SPECC1: variants seen among roughly 807,000 people sequenced by gnomAD.
SPECC1 encodes the protein sperm antigen with calponin homology and coiled-coil domains 1, also known as cytospin-B.
In SPECC1, 62 loss-of-function variants were observed where a neutral mutation model predicts 104.1. The ratio of observed to expected loss-of-function variants is 0.60; its 90% CI spans 0.49 to 0.74. The LOEUF (loss-of-function observed/expected upper bound fraction) is 0.74. Among genes scored for constraint, SPECC1 ranks in the 30% least tolerant of loss-of-function variants. SPECC1 has a pLI of 0.00. For synonymous variants in SPECC1, 513 were observed against 501.6 expected (o/e 1.02, Z -0.30); for missense variants, 1,306 against 1,310.5 (o/e 1.00, Z 0.05).
chr17:20,107,628 T>C (rs973739429), intron 2 of SPECC1, among the ~76,000 whole-genome samples: 1 of 152,024 alleles, frequency 6.6e-6, no homozygotes, highest in Non-Finnish European at 1.5e-5. Context: ...GGCTAATTTT[T>C]GTATTCTTAG....
intron 9 of SPECC1, among the ~76,000 whole-genome samples, chr17:20,252,460 G>C (rs1027901650): frequency 6.6e-6 from 1 of 151,902 alleles, no homozygotes; most frequent in Non-Finnish European, 1.5e-5. Context: ...CCATCTTTCT[G>C]TCCTCTAGAA....
intron 1 of SPECC1, among the ~76,000 whole-genome samples, chr17:20,072,152 G>C (rs2046578925): frequency 6.6e-6 from 1 of 152,160 alleles, no homozygotes; most frequent in Non-Finnish European, 1.5e-5. Context: ...GCTGGGCAAG[G>C]CCTTCCTATC....
At chr17:20,243,285 A>G (rs1489532830) in intron 7 of SPECC1, among the ~76,000 whole-genome samples, 2 of 152,192 alleles carry the variant, frequency 1.3e-5, no homozygotes, top group Non-Finnish European at 2.9e-5. Flanking sequence ...ATTTAATGCT[A>G]AGACATACCT....
chr17:20,257,369 T>G (rs868276118), intron 10 of SPECC1, 82 bp from the exon 11 acceptor site: 37 of 1,435,430 alleles, frequency 2.6e-5, no homozygotes, highest in African/African-American at 4.3e-5. Context: ...AAATGAGAAC[T>G]GTATTGTATT....
chr17:20,220,788 CCATT>C (rs1379950085), intron 4 of SPECC1, among the ~76,000 whole-genome samples: 1 of 151,972 alleles, frequency 6.6e-6, no homozygotes, highest in African/African-American at 2.4e-5. Flanking sequence ...CAGTTTTTCT[CCATT>C]CATATGATAC....
At chr17:20,089,189 C>T (rs190278430) in intron 1 of SPECC1, among the ~76,000 whole-genome samples, 172 of 152,256 alleles carry the variant, frequency 1.1e-3, no homozygotes, top group South Asian at 6.6e-3. Context: ...GCAAACTCCT[C>T]GACATTCCCT....
intron 1 of SPECC1, among the ~76,000 whole-genome samples, chr17:20,030,513 T>C (rs2044765983): frequency 6.6e-6 from 1 of 152,174 alleles, no homozygotes; most frequent in Admixed American, 6.5e-5. Context: ...AACTCTCTTT[T>C]GTGCAGTTAT....
At chr17:20,245,159 A>G (rs1260159136) in intron 7 of SPECC1, among the ~76,000 whole-genome samples, 6 of 152,210 alleles carry the variant, frequency 3.9e-5, no homozygotes, top group Non-Finnish European at 7.3e-5. Context: ...TGGCTTAGGC[A>G]GAAAGGTGTT....
chr17:20,182,240 A>G (rs1216400529), intron 3 of SPECC1, among the ~76,000 whole-genome samples: 2 of 151,440 alleles, frequency 1.3e-5, no homozygotes, highest in Non-Finnish European at 2.9e-5. Flanking sequence ...CAGCCTCCCA[A>G]GTAGCTAGAA....
At chr17:20,190,645 G>A (rs184560975) in intron 3 of SPECC1, among the ~76,000 whole-genome samples, 7 of 152,258 alleles carry the variant, frequency 4.6e-5, no homozygotes, top group African/African-American at 1.2e-4. Flanking sequence ...CTCAGAGTCC[G>A]TGGTTTACAT....
chr17:20,223,823 G>C (rs2038043555), intron 4 of SPECC1, among the ~76,000 whole-genome samples: 1 of 152,148 alleles, frequency 6.6e-6, no homozygotes, highest in African/African-American at 2.4e-5. Flanking sequence ...GTCACTCTGG[G>C]ATTGGTCACT....
chr17:20,209,260 C>A (rs1346889656), intron 4 of SPECC1, among the ~76,000 whole-genome samples: 2 of 151,998 alleles, frequency 1.3e-5, no homozygotes, highest in African/African-American at 4.8e-5. Context: ...CAACGTGTAC[C>A]CCATGAGCAG....
chr17:20,290,028 C>T (rs542226829), intron 12 of SPECC1, among the ~76,000 whole-genome samples: 8 of 152,100 alleles, frequency 5.3e-5, no homozygotes, highest in African/African-American at 1.9e-4. Flanking sequence ...ACACATTCTC[C>T]TTTTTCCTGT....
rs146921709 is a variant in SPECC1 at position 20,125,692 on chromosome 17, G to A, written c.283+15130G>A. On this transcript the variant is annotated intron_variant, in intron 3 of 14. Transcript: ENST00000395527. Reference sequence around the variant, plus strand: ...TTCAGGTTCATCCACAATGGGACATGTGTCAGAGTTTCCTTCCTTTTAAAG... The same window carrying A: ...TTCAGGTTCATCCACAATGGGACATATGTCAGAGTTTCCTTCCTTTTAAAG... Among the ~76,000 whole-genome samples the A allele has an allele frequency of 6.6e-5, 10 of 152,350 alleles. No individual in the cohort carries two copies. In the East Asian group the frequency reaches 1.7e-3, roughly 26 times the overall value.
intron 11 of SPECC1, 99 bp downstream of exon 11, chr17:20,257,706 A>G: frequency 6.9e-7 from 1 of 1,445,826 alleles, no homozygotes; most frequent in Admixed American, 2.2e-5. Context: ...ACTTCTACAA[A>G]TATTTCCTGC....
chr17:20,205,246 A>G lies in SPECC1; in HGVS notation c.1197A>G (p.Ser399=). Residue 399 remains serine (S), a synonymous_variant, in exon 4 of 15, where the codon TCA becomes TCG. Coordinates refer to ENST00000395527, the MANE Select transcript of SPECC1 (RefSeq NM_001243439.2). ...EELQATLQEL[S]DQQQMVQELT... ...TACAGGCTACTCTACAAGAATTATC[A>G]GACCAGCAACAAATGGTACAGGAAT... is the stretch of plus-strand genomic sequence containing the variant. The G allele has an allele frequency of 6.2e-7, 1 of 1,614,188 alleles. No individual in the cohort carries two copies. Among genetic ancestry groups the G allele is most frequent in the Non-Finnish European group, 8.5e-7 (1 of 1,180,038 alleles).
intron 5 of SPECC1, among the ~76,000 whole-genome samples, chr17:20,230,129 C>T (rs760320026): frequency 6.6e-6 from 1 of 152,108 alleles, no homozygotes; most frequent in African/African-American, 2.4e-5. Flanking sequence ...TTGGCAGATA[C>T]GTCTATATAA....
rs138641457 is a variant in SPECC1 at position 20,307,803 on chromosome 17, CAGAAT to C, written c.3117+1722_3117+1726del. Among the ~76,000 whole-genome samples the C allele has an allele frequency of 8.1e-3, 1,225 of 152,134 alleles. 19 individuals carry two copies. Among genetic ancestry groups the C allele is most frequent in the African/African-American group, 0.027 (1,126 of 41,510 alleles). Reference sequence around the variant, plus strand: ...GAAGATATGATGCCTGAAAATTTTCCAGAATGATGAAAGGATAATGAAAGAGTCCA... The same window carrying C: ...GAAGATATGATGCCTGAAAATTTTCCGATGAAAGGATAATGAAAGAGTCCA... On this transcript the variant is annotated intron_variant, in intron 14 of 14. Transcript: ENST00000395527.
rs539497785 is a variant in SPECC1, at chr17:20,166,197, T to C, written c.284-38136T>C. The stretch of plus-strand genomic sequence containing the variant: ...AAAAAGTAGCAGTTACAAAGTCCAC[T>C]CACTAAATAGCAAAACACTGGAAAT... On this transcript the variant is annotated intron_variant, in intron 3 of 14. Transcript: ENST00000395527. Among the ~76,000 whole-genome samples, 35 of 152,320 alleles carry C rather than the reference T, an allele frequency of 2.3e-4. 1 individual carries two copies. In the South Asian group the frequency reaches 7.2e-3, roughly 32 times the overall value.
Sources: gnomAD v4.1 joint callset for allele counts (sites outside exome capture counted in the v4.1 genomes callset) on GRCh38, gnomAD v4.1.1 for gene constraint, MANE v1.5 for transcripts, NCBI Gene and HGNC (gene_info 2026-07-23, HGNC 2026-07-21) for gene names.